The following KCNH8 variants were observed in gnomAD, a reference collection of about 807,000 sequenced individuals.
The protein encoded by KCNH8 is voltage-gated delayed rectifier potassium channel KCNH8.
KCNH8 carries 70 observed loss-of-function variants against 103.6 expected under a neutral mutation model. The observed-to-expected ratio is 0.68, with a 90% CI of 0.56 to 0.82. The LOEUF is 0.82. Ranked by LOEUF, KCNH8 falls within the 40% of genes least tolerant of loss-of-function variation. KCNH8 has a pLI of 0.00. For synonymous variants in KCNH8, 498 were observed against 489.4 expected (o/e 1.02, Z -0.23); for missense variants, 1,217 against 1,329.9 (o/e 0.92, Z 1.32).
intron 3 of KCNH8, among the ~76,000 whole-genome samples, chr3:19,307,386 A>G (rs896849195): frequency 2.6e-5 from 4 of 152,012 alleles, no homozygotes; most frequent in Non-Finnish European, 4.4e-5. Flanking sequence ...TAGGATGGCT[A>G]TTATCAAAAA....
chr3:19,223,597 G>A (rs1461972601), intron 1 of KCNH8, among the ~76,000 whole-genome samples: 2 of 152,082 alleles, frequency 1.3e-5, no homozygotes, highest in Non-Finnish European at 2.9e-5. Context: ...ATTTGGGCCT[G>A]GATTCCACTG....
At chr3:19,506,535 C>G (rs4417890) in intron 11 of KCNH8, among the ~76,000 whole-genome samples, 3 of 152,258 alleles carry the variant, frequency 2.0e-5, no homozygotes. Context: ...TGTATTTCCT[C>G]ATGATTGCAG....
At chr3:19,291,131 T>C (rs1199500862) in intron 3 of KCNH8, among the ~76,000 whole-genome samples, 1 of 152,224 alleles carries the variant, frequency 6.6e-6, no homozygotes, top group Non-Finnish European at 1.5e-5. Context: ...GATTCTTCTC[T>C]CTTTTCTTCT....
intron 11 of KCNH8, among the ~76,000 whole-genome samples, chr3:19,492,633 G>A (rs2068347506): frequency 6.6e-6 from 1 of 152,010 alleles, no homozygotes; most frequent in Admixed American, 6.6e-5. Flanking sequence ...TTTTGTTGTT[G>A]TTGTTGCTTA....
intron 7 of KCNH8, among the ~76,000 whole-genome samples, chr3:19,408,259 C>T (rs1559313603): frequency 6.6e-6 from 1 of 152,040 alleles, no homozygotes; most frequent in Non-Finnish European, 1.5e-5. Context: ...CCAAAAGACC[C>T]TCCTCATCAT....
Position 19,513,235 on chromosome 3 carries a change from A to G in KCNH8, c.2345A>G (p.Asp782Gly). ...SNSPKTKQEI[D>G]PPNHNKRKEK... ...TCCCCCAAAACCAAGCAGGAAATTGACCCCCCCAACCATAATAAAAGGAAA... is the reference window on the plus strand; with the variant it reads ...TCCCCCAAAACCAAGCAGGAAATTGGCCCCCCCAACCATAATAAAAGGAAA... Residue 782 changes from aspartate (D) to glycine (G), a missense_variant, in exon 13 of 16, where the codon GAC becomes GGC. Coordinates refer to ENST00000328405, the MANE Select transcript of KCNH8 (RefSeq NM_144633.3). 6.3e-7 allele frequency: 1 copy of G among 1,582,248 alleles called. No individual in the cohort carries two copies. Among genetic ancestry groups the G allele is most frequent in the Non-Finnish European group, 8.6e-7 (1 of 1,164,590 alleles).
At chr3:19,281,353 T>C (rs745578060) in intron 3 of KCNH8, 24 bp downstream of exon 3, 2 of 1,568,602 alleles carry the variant, frequency 1.3e-6, no homozygotes, top group Non-Finnish European at 1.7e-6. Context: ...TCAGAAAACA[T>C]TGACAGATGG....
intron 1 of KCNH8, among the ~76,000 whole-genome samples, chr3:19,194,334 A>T (rs2063580353): frequency 6.6e-6 from 1 of 151,332 alleles, no homozygotes; most frequent in Non-Finnish European, 1.5e-5. Context: ...TCTTTATTTG[A>T]GCAAGTGTTA....
rs1491346037 is a variant in KCNH8 at position 19,284,552 on chromosome 3, T to TGTGTGTGTGTGA, written c.442+3224_442+3225insTGTGTGTGTGAG. On this transcript the variant is annotated intron_variant, in intron 3 of 15. Transcript: ENST00000328405. ...GTGTGTGTGTGTGTGTGTGTGTGTG[T>TGTGTGTGTGTGA]GAGGGAGAGAGAGAGAGAAAGAGAG... 2.2e-5 allele frequency among the ~76,000 whole-genome samples: 3 copies of TGTGTGTGTGTGA among 135,248 alleles called. No individual in the cohort carries two copies. In the Admixed American group the frequency reaches 2.3e-4, roughly 10 times the overall value. The allele number at this position is 135,248 out of a possible 152,430, so 88.7% of individuals were successfully genotyped here. A position where few individuals can be genotyped will look rare whatever the true frequency, so the allele number is the denominator to read the frequency against.
rs139128839 is a variant in KCNH8, at chr3:19,493,443, A to G, written c.2041-16920A>G. 3.9e-4 allele frequency among the ~76,000 whole-genome samples: 59 copies of G among 152,168 alleles called. No homozygotes were observed. In the East Asian group the frequency reaches 0.011, roughly 28 times the overall value. ...TGAATTAGATCTGATTGTTTTATAA[A>G]TGGCAGTTTTTCCTGTGCTCTCACA... On this transcript the variant is annotated intron_variant, in intron 11 of 15. Transcript: ENST00000328405.
chr3:19,385,978 C>G (rs1296055132), intron 5 of KCNH8, among the ~76,000 whole-genome samples: 2 of 152,014 alleles, frequency 1.3e-5, no homozygotes, highest in Non-Finnish European at 2.9e-5. Context: ...AACAAGTAAG[C>G]CAATATGATT....
At position 19,534,570 on chromosome 3, in the gene KCNH8, C is replaced by A. The variant is rs2069234721; in HGVS notation, c.*471C>A. On this transcript the variant is annotated 3_prime_UTR_variant, in exon 16 of 16. Coordinates refer to ENST00000328405, the MANE Select transcript of KCNH8 (RefSeq NM_144633.3). ...GAAGGCAAAGGGACAATTATCACTG[C>A]ATGTCATCTCCTAGACAATCAGTCA... 1 of 157,560 alleles carries A rather than the reference C, an allele frequency of 6.3e-6. No individual in the cohort carries two copies. The highest frequency in any genetic ancestry group is 1.4e-5 in the Non-Finnish European group (1 of 71,242). The allele number at this position is 157,560 out of a possible 1,614,324, so 9.8% of individuals were successfully genotyped here. A position where few individuals can be genotyped will look rare whatever the true frequency, so the allele number is the denominator to read the frequency against.
intron 3 of KCNH8, among the ~76,000 whole-genome samples, chr3:19,310,663 G>A (rs1478961093): frequency 1.4e-5 from 2 of 140,516 alleles, no homozygotes; most frequent in Non-Finnish European, 3.1e-5. Flanking sequence ...TTGTTGGCAA[G>A]ATAGCTATTC....
rs150726298 is a variant in KCNH8, at chr3:19,270,857, CTTCTT to C, written c.311-10335_311-10331del. ...TGAGATCCTTAACCATTTCTTTTTA[CTTCTT>C]TTCTTATTTCCAAATTCTCGTCTCA... On this transcript the variant is annotated intron_variant, in intron 2 of 15. Transcript: ENST00000328405. Among the ~76,000 whole-genome samples the C allele has an allele frequency of 3.4e-3, 510 of 152,176 alleles. 21 individuals carry two copies. The East Asian group carries it at 0.084, about 25-fold the overall frequency.
intron 15 of KCNH8, among the ~76,000 whole-genome samples, chr3:19,522,931 A>G (rs2068997882): frequency 6.6e-6 from 1 of 151,832 alleles, no homozygotes; most frequent in South Asian, 2.1e-4. Context: ...ACCCTTTACA[A>G]CTTGGTATAG....
rs1226573362 is a variant in KCNH8 at position 19,506,856 on chromosome 3, G to A, written c.2041-3507G>A. Among the ~76,000 whole-genome samples, 4 of 152,130 alleles carry A rather than the reference G, an allele frequency of 2.6e-5. No homozygotes were observed. The South Asian group carries it at 6.2e-4, about 24-fold the overall frequency. ...GGGGCACCCTACCTGATAACAAGCA[G>A]GGAGGGTACATAGGTCACAGAGTAG... On this transcript the variant is annotated intron_variant, in intron 11 of 15. Coordinates refer to ENST00000328405, the MANE Select transcript of KCNH8 (RefSeq NM_144633.3).
chr3:19,163,273 T>A (rs1418318196), intron 1 of KCNH8, among the ~76,000 whole-genome samples: 1 of 150,350 alleles, frequency 6.7e-6, no homozygotes, highest in East Asian at 1.9e-4. Flanking sequence ...AGGTAATGTG[T>A]ATATATAAAA....
chr3:19,326,097 T>C (rs1301860847), intron 3 of KCNH8, among the ~76,000 whole-genome samples: 5 of 151,836 alleles, frequency 3.3e-5, no homozygotes, highest in South Asian at 2.1e-4. Context: ...CAAAACCAAA[T>C]ATCACATGTT....
At chr3:19,460,743 A>G (rs1157234307) in intron 11 of KCNH8, among the ~76,000 whole-genome samples, 1 of 152,176 alleles carries the variant, frequency 6.6e-6, no homozygotes, top group Non-Finnish European at 1.5e-5. Flanking sequence ...TGTAGTTCCC[A>G]TAATCCCCAC....
Sources: allele counts gnomAD v4.1 joint callset (sites outside exome capture counted in the v4.1 genomes callset), GRCh38; gene constraint gnomAD v4.1.1; transcripts MANE v1.5; gene names NCBI Gene and HGNC (gene_info 2026-07-23, HGNC 2026-07-21).